Variants in VRK2 observed in about 807,000 individuals in gnomAD.
VRK2 encodes serine/threonine-protein kinase VRK2.
VRK2 carries 60 observed loss-of-function variants against 57.6 expected under a neutral mutation model. The observed-to-expected ratio is 1.04, with a 90% CI of 0.85 to 1.29. The LOEUF (loss-of-function observed/expected upper bound fraction) is 1.29, where lower values mean the gene tolerates loss of function less well. Among genes scored for constraint, VRK2 ranks in the 50% most tolerant of loss-of-function variants. The probability of loss-of-function intolerance (pLI) is 0.00; values close to 1 mark genes in which losing one functional copy is unlikely to be tolerated. For synonymous variants in VRK2, 231 were observed against 199.2 expected (o/e 1.16, Z -1.35); for missense variants, 705 against 588.1 (o/e 1.20, Z -2.06).
chr2:58,148,326 C>G (rs1415436617), intron 12 of VRK2, among the ~76,000 whole-genome samples: 2 of 151,724 alleles, frequency 1.3e-5, no homozygotes, highest in African/African-American at 4.8e-5. Flanking sequence ...TATATCTGTT[C>G]TTACAAAGTT....
chr2:57,926,895 T>C (rs1012847273), intron 1 of VRK2, among the ~76,000 whole-genome samples: 4 of 151,944 alleles, frequency 2.6e-5, no homozygotes, highest in Non-Finnish European at 5.9e-5. Context: ...AATCCTACCA[T>C]TTTGTTATTT....
chr2:57,931,808 A>G (rs1572875216), intron 1 of VRK2, among the ~76,000 whole-genome samples: 1 of 114,504 alleles, frequency 8.7e-6, no homozygotes, highest in Non-Finnish European at 1.8e-5. Context: ...CATAGGGATC[A>G]ACTTTCTTTT....
At chr2:57,939,027 T>C (rs892155737) in intron 1 of VRK2, among the ~76,000 whole-genome samples, 1 of 151,898 alleles carries the variant, frequency 6.6e-6, no homozygotes, top group African/African-American at 2.4e-5. Context: ...AAACAGACAA[T>C]AGTGAAGCCT....
chr2:57,919,603 A>G (rs1204391580), intron 1 of VRK2, among the ~76,000 whole-genome samples: 2 of 152,126 alleles, frequency 1.3e-5, no homozygotes, highest in Non-Finnish European at 2.9e-5. Flanking sequence ...AGTTATAAAA[A>G]TTCATTCACA....
At chr2:57,975,238 C>G (rs1227293207) in intron 1 of VRK2, among the ~76,000 whole-genome samples, 1 of 151,892 alleles carries the variant, frequency 6.6e-6, no homozygotes, top group African/African-American at 2.4e-5. Context: ...GTATTCATAT[C>G]AGTGACTGAG....
intron 2 of VRK2, among the ~76,000 whole-genome samples, chr2:58,066,026 G>T (rs1381521603): frequency 6.6e-6 from 1 of 152,096 alleles, no homozygotes; most frequent in Non-Finnish European, 1.5e-5. Context: ...GATTCTTTGG[G>T]AATTTCCACG....
At chr2:58,010,586 A>C (rs1218161562) in intron 1 of VRK2, among the ~76,000 whole-genome samples, 1 of 152,152 alleles carries the variant, frequency 6.6e-6, no homozygotes. Context: ...TTTGGTTGGA[A>C]TATAGGTCTC....
intron 1 of VRK2, among the ~76,000 whole-genome samples, chr2:57,994,755 A>G (rs1672874652): frequency 1.3e-5 from 2 of 152,228 alleles, no homozygotes; most frequent in African/African-American, 4.8e-5. Context: ...AAACCTGAAA[A>G]AAAAACATTT....
chr2:57,980,729 T>C lies in VRK2; in HGVS notation c.-438-44936T>C, dbSNP rs55797548. 2.6e-3 allele frequency among the ~76,000 whole-genome samples: 394 copies of C among 152,358 alleles called. 1 individual carries two copies. Among genetic ancestry groups the C allele is most frequent in the Non-Finnish European group, 4.5e-3 (308 of 68,026 alleles). On this transcript the variant is annotated intron_variant, in intron 1 of 15. Coordinates refer to the VRK2 transcript ENST00000417641. ...TGGGTGCTTCAGTGTTGGGTGCATA[T>C]ACATTTAGGATTGTTAAGTCTTCTT...
intron 1 of VRK2, among the ~76,000 whole-genome samples, chr2:57,932,951 T>G (rs1435324997): frequency 1.3e-5 from 2 of 152,212 alleles, no homozygotes; most frequent in African/African-American, 4.8e-5. Context: ...CGGGAGCATG[T>G]TGTTTAATTT....
At chr2:58,013,838 G>A (rs1402630304) in intron 1 of VRK2, among the ~76,000 whole-genome samples, 2 of 112,580 alleles carry the variant, frequency 1.8e-5, no homozygotes, top group Non-Finnish European at 3.3e-5. Flanking sequence ...CCTCCTGGGC[G>A]ACAGAACGAG....
At chr2:58,150,686 A>G (rs1479947218) in intron 12 of VRK2, among the ~76,000 whole-genome samples, 1 of 146,980 alleles carries the variant, frequency 6.8e-6, no homozygotes, top group Non-Finnish European at 1.5e-5. Context: ...TTTTGCATTT[A>G]ATTTATTCTT....
intron 1 of VRK2, chr2:58,048,528 T>G: frequency 1.5e-6 from 2 of 1,332,660 alleles, no homozygotes; most frequent in Non-Finnish European, 2.0e-6. Flanking sequence ...TTTCTTAAGG[T>G]GTGTCCTGCA....
intron 2 of VRK2, among the ~76,000 whole-genome samples, chr2:58,063,879 A>G (rs1359952369): frequency 6.6e-6 from 1 of 152,150 alleles, no homozygotes; most frequent in African/African-American, 2.4e-5. Flanking sequence ...GGAAGGAGAT[A>G]AAAATAGCAG....
chr2:58,099,972 A>T (rs1024745942), intron 7 of VRK2, among the ~76,000 whole-genome samples: 1 of 152,074 alleles, frequency 6.6e-6, no homozygotes, highest in African/African-American at 2.4e-5. Context: ...AATGTTTCTT[A>T]TAGTGTTTCC....
At chr2:58,038,681 T>C (rs1674351025) in intron 3 of VRK2, among the ~76,000 whole-genome samples, 1 of 152,126 alleles carries the variant, frequency 6.6e-6, no homozygotes, top group African/African-American at 2.4e-5. Flanking sequence ...CCATAATATA[T>C]CACACTTTGT....
chr2:58,105,835 A>T (rs1280774729), intron 7 of VRK2, among the ~76,000 whole-genome samples: 1 of 151,956 alleles, frequency 6.6e-6, no homozygotes, highest in Non-Finnish European at 1.5e-5. Context: ...ATATGTAGTT[A>T]GTGTAAACCA....
Position 58,121,163 on chromosome 2 carries a change from C to T in VRK2, c.544-1938C>T, listed in dbSNP as rs373346926. On this transcript the variant is annotated intron_variant, in intron 7 of 12. Transcript: ENST00000340157. Reference sequence around the variant, plus strand: ...GATGAATAAAATGGAGATAAGGGGACTTACAGCATCAGCGGATGTAAGGCA... The same window carrying T: ...GATGAATAAAATGGAGATAAGGGGATTTACAGCATCAGCGGATGTAAGGCA... Among the ~76,000 whole-genome samples the T allele has an allele frequency of 5.3e-5, 8 of 152,196 alleles. No individual in the cohort carries two copies. The East Asian group carries it at 1.3e-3, about 26-fold the overall frequency.
At chr2:57,912,304 T>C (rs1049073109) in intron 1 of VRK2, among the ~76,000 whole-genome samples, 1 of 152,226 alleles carries the variant, frequency 6.6e-6, no homozygotes, top group African/African-American at 2.4e-5. Flanking sequence ...GTTCATACTT[T>C]GAGTGATGAC....
Sources: gnomAD v4.1 joint callset for allele counts (sites outside exome capture counted in the v4.1 genomes callset) on GRCh38, gnomAD v4.1.1 for gene constraint, MANE v1.5 for transcripts, NCBI Gene and HGNC (gene_info 2026-07-23, HGNC 2026-07-21) for gene names.